Variants in LAMA2 observed in about 807,000 individuals in gnomAD.
LAMA2 encodes the protein laminin subunit alpha-2.
Under a neutral mutation model 364.8 loss-of-function variants are expected in LAMA2, and 269 were observed. The ratio of observed to expected loss-of-function variants is 0.74; its 90% confidence interval spans 0.67 to 0.82. LAMA2 has a LOEUF of 0.82. LAMA2 is among the 40% of genes least tolerant of loss of function. LAMA2 has a pLI of 0.00. For synonymous variants in LAMA2, 1,379 were observed against 1,370.6 expected (o/e 1.01, Z -0.14); for missense variants, 3,807 against 3,873.2 (o/e 0.98, Z 0.45).
chr6:129,255,876 T>C (rs901835575), intron 14 of LAMA2, among the ~76,000 whole-genome samples: 4 of 152,148 alleles, frequency 2.6e-5, no homozygotes, highest in African/African-American at 7.2e-5. Context: ...TTAAAAAGAT[T>C]TTTGCAGCTC....
chr6:129,333,982 C>A (rs780986629), intron 29 of LAMA2, among the ~76,000 whole-genome samples: 1 of 152,128 alleles, frequency 6.6e-6, no homozygotes, highest in Non-Finnish European at 1.5e-5. Context: ...TTCCATTAAA[C>A]AAACACAGCT....
intron 17 of LAMA2, among the ~76,000 whole-genome samples, chr6:129,271,015 C>G (rs1787893501): frequency 6.6e-6 from 1 of 151,952 alleles, no homozygotes. Context: ...ACACCAATTC[C>G]AAAGAACATA....
At chr6:129,492,247 G>T in intron 57 of LAMA2, 68 bp from the exon 58 acceptor site, 1 of 1,527,570 alleles carries the variant, frequency 6.5e-7, no homozygotes, top group African/African-American at 1.4e-5. Context: ...GGCATGCGGG[G>T]ATTGGGCTTA....
At chr6:129,022,309 A>G (rs893998415) in intron 1 of LAMA2, among the ~76,000 whole-genome samples, 12 of 152,172 alleles carry the variant, frequency 7.9e-5, no homozygotes, top group African/African-American at 2.2e-4. Context: ...GTTTTACTTA[A>G]AAGGAATGTT....
At chr6:129,494,431 A>G (rs1785048183) in intron 58 of LAMA2, among the ~76,000 whole-genome samples, 2 of 152,348 alleles carry the variant, frequency 1.3e-5, no homozygotes, top group African/African-American at 4.8e-5. Flanking sequence ...TGAAAAATCA[A>G]ATGGGATAAT....
chr6:129,338,502 A>C (rs1776079033), intron 29 of LAMA2, among the ~76,000 whole-genome samples: 1 of 152,182 alleles, frequency 6.6e-6, no homozygotes, highest in Admixed American at 6.6e-5. Context: ...GGATGGTTGA[A>C]TAAAAGAGGA....
intron 61 of LAMA2, among the ~76,000 whole-genome samples, chr6:129,506,416 TAAA>T (rs905185765): frequency 3.9e-5 from 6 of 152,068 alleles, no homozygotes; most frequent in African/African-American, 1.4e-4. Context: ...AGCAGGCATA[TAAA>T]AAGCACTGAA....
rs754984863 is a variant in LAMA2 at position 129,144,041 on chromosome 6, C to G, written c.780C>G (p.His260Gln). 3.7e-6 allele frequency: 6 copies of G among 1,612,424 alleles called. No homozygotes were observed. In the South Asian group the frequency reaches 5.5e-5, roughly 15 times the overall value. ...TLNADLMMFA[H>Q]KDPREIDPIV... ...ATGCTGACTTGATGATGTTTGCTCACAAAGACCCAAGAGAAATTGACCCCA... is the reference window on the plus strand; with the variant it reads ...ATGCTGACTTGATGATGTTTGCTCAGAAAGACCCAAGAGAAATTGACCCCA... Residue 260 changes from histidine (H) to glutamine (Q), a missense_variant, in exon 5 of 65, where the codon CAC becomes CAG. Around this residue, in one of 3 missense-constraint regions of LAMA2, gnomAD observed 394 missense variants for 403.5 expected, o/e 0.98. Transcript: ENST00000421865.
intron 62 of LAMA2, among the ~76,000 whole-genome samples, chr6:129,511,098 C>T (rs1786533963): frequency 6.6e-6 from 1 of 152,130 alleles, no homozygotes; most frequent in Non-Finnish European, 1.5e-5. Context: ...TACTCACTTC[C>T]TCTGTTTCTA....
chr6:128,937,195 T>G (rs1779878411), intron 1 of LAMA2, among the ~76,000 whole-genome samples: 1 of 152,230 alleles, frequency 6.6e-6, no homozygotes, highest in African/African-American at 2.4e-5. Flanking sequence ...GAATTATCCA[T>G]TTATTCCAAG....
rs1781583072 is a variant in LAMA2, at chr6:128,962,263, A to C, written c.112+78906A>C. On this transcript the variant is annotated intron_variant, in intron 1 of 64. Transcript: ENST00000421865. ...AGATTTGTAGGTTATAATAGCATTT[A>C]AGTGTGTGTGTTCATGGTCAGGTTT... Among the ~76,000 whole-genome samples, 10 of 147,636 alleles carry C rather than the reference A, an allele frequency of 6.8e-5. No individual in the cohort carries two copies. In the South Asian group the frequency reaches 2.2e-3, roughly 32 times the overall value.
At chr6:128,897,964 GAGTGCTGTTGCAAT>G (rs1263690855) in intron 1 of LAMA2, among the ~76,000 whole-genome samples, 1 of 152,202 alleles carries the variant, frequency 6.6e-6, no homozygotes. Flanking sequence ...CTTGCTGGCT[GAGTGCTGTTGCAAT>G]AGTGCTGTTG....
chr6:129,372,366 C>G (rs1266306518), intron 34 of LAMA2, among the ~76,000 whole-genome samples: 1 of 152,160 alleles, frequency 6.6e-6, no homozygotes, highest in Non-Finnish European at 1.5e-5. Context: ...ATAGTTTTGC[C>G]TTTTTTGGAA....
chr6:129,340,765 G>A (rs1365656836), intron 29 of LAMA2, among the ~76,000 whole-genome samples: 1 of 148,300 alleles, frequency 6.7e-6, no homozygotes. Context: ...TTATTCAGGA[G>A]GCAGAGGTTG....
Position 129,478,705 on chromosome 6 carries a change from T to G in LAMA2, c.7464T>G (p.Asn2488Lys), listed in dbSNP as rs1273499719. The change falls in exon 54 of 65, where the codon AAT becomes AAG. Residue 2488 changes from asparagine (N) to lysine (K), a missense_variant. By Grantham distance (94) the Asn-to-Lys change is moderately conservative (BLOSUM62 0). Coordinates refer to ENST00000421865, the MANE Select transcript of LAMA2 (RefSeq NM_000426.4). ...NLSMKARPEVNLKKYSGCLKD... is the reference protein window; with the variant it reads ...NLSMKARPEVKLKKYSGCLKD... ...GACTATTCAATAGGCCAGAAGTAAATCTGAAGAAATATTCCGGCTGCCTCA... is the reference window on the plus strand; with the variant it reads ...GACTATTCAATAGGCCAGAAGTAAAGCTGAAGAAATATTCCGGCTGCCTCA... 1 of 1,613,412 alleles carries G rather than the reference T, an allele frequency of 6.2e-7. No individual in the cohort carries two copies. Among genetic ancestry groups the G allele is most frequent in the African/African-American group, 1.3e-5 (1 of 74,886 alleles).
chr6:129,357,588 C>T (rs975726354), intron 32 of LAMA2, among the ~76,000 whole-genome samples: 1 of 151,954 alleles, frequency 6.6e-6, no homozygotes, highest in Non-Finnish European at 1.5e-5. Flanking sequence ...TACTTGCAAC[C>T]TGAGATAAGC....
intron 2 of LAMA2, among the ~76,000 whole-genome samples, chr6:129,051,250 A>G (rs62422167): frequency 0.11 from 15,818 of 148,032 alleles, 873 homozygotes; most frequent in East Asian, 0.16. Flanking sequence ...AATCTACATA[A>G]AGGTAAAAAT....
chr6:129,322,691 A>C (rs947903071), intron 28 of LAMA2, among the ~76,000 whole-genome samples: 5 of 152,210 alleles, frequency 3.3e-5, no homozygotes, highest in African/African-American at 1.2e-4. Context: ...TATTACAGCT[A>C]TATTTTTCTG....
intron 17 of LAMA2, among the ~76,000 whole-genome samples, chr6:129,278,924 A>G (rs192042874): frequency 6.6e-6 from 1 of 152,298 alleles, no homozygotes; most frequent in Admixed American, 6.5e-5. Context: ...CTATTCAGAA[A>G]TAGTGTTCAT....
Sources: gnomAD v4.1 joint callset for allele counts (sites outside exome capture counted in the v4.1 genomes callset) on GRCh38, gnomAD v4.1.1 for gene constraint, gnomAD v4.1.1 regional missense constraint, MANE v1.5 for transcripts, NCBI Gene and HGNC (gene_info 2026-07-23, HGNC 2026-07-21) for gene names.